Variants in SHISAL1 observed in about 807,000 individuals in gnomAD.
The protein encoded by SHISAL1 is protein shisa-like-1.
Under a neutral mutation model 22.6 loss-of-function variants are expected in SHISAL1, and 9 were observed. The ratio of observed to expected loss-of-function variants is 0.40; its 90% CI spans 0.24 to 0.70. SHISAL1 has a LOEUF of 0.70. Ranked by LOEUF, SHISAL1 falls within the 30% of genes least tolerant of loss-of-function variation. The pLI, the probability that SHISAL1 is intolerant of heterozygous loss-of-function variation, is 0.39. For synonymous variants in SHISAL1, 119 were observed against 115.4 expected (o/e 1.03, Z -0.20); for missense variants, 246 against 270.6 (o/e 0.91, Z 0.64).
At chr22:44,261,077 T>TTATATATATATATATATATATA (rs56290835) in intron 4 of SHISAL1, among the ~76,000 whole-genome samples, 1,264 of 107,994 alleles carry the variant, frequency 0.012, 40 homozygotes, top group Non-Finnish European at 0.016. Flanking sequence ...CTTCATTACT[T>TTATATATATATATATATATATA]TATATATATA....
rs9614402 is a variant in SHISAL1, at chr22:44,249,452, G to A, written c.*233C>T. On this transcript the variant is annotated 3_prime_UTR_variant, in exon 5 of 5. Transcript: ENST00000381176. ...CCAGCCCAAAATAGGACTATTGCTT[G>A]CGGACAGGTGGCTCAGAATCCCCTC... 0.1 allele frequency: 50,264 copies of A among 488,950 alleles called. 3,124 individuals are homozygous for A. Among genetic ancestry groups the A allele is most frequent in the African/African-American group, 0.21 (10,491 of 49,914 alleles). 30.3% of individuals were successfully genotyped at this position (488,950 alleles called of 1,614,324 possible).
chr22:44,323,457 C>A, the SHISAL1 span, among the ~76,000 whole-genome samples: 1 of 116,036 alleles, frequency 8.6e-6, no homozygotes, highest in African/African-American at 3.3e-5. Flanking sequence ...TCCATCCATC[C>A]ATTCATCCAT....
rs567996386 is a variant in SHISAL1 at position 44,249,529 on chromosome 22, G to A, written c.*156C>T. The stretch of plus-strand genomic sequence containing the variant: ...AGTTTGCTCCTAATCTTAGAAGTCC[G>A]CGGAAGGGGGCTTTGGGCACAGGCA... On this transcript the variant is annotated 3_prime_UTR_variant, in exon 5 of 5. Transcript: ENST00000381176. 106 of 512,796 alleles carry A rather than the reference G, an allele frequency of 2.1e-4. No individual in the cohort carries two copies. The highest frequency in any genetic ancestry group is 1.1e-3 in the Admixed American group (36 of 33,182). 31.8% of individuals were successfully genotyped at this position (512,796 alleles called of 1,614,324 possible). A position where few individuals can be genotyped will look rare whatever the true frequency, so the allele number is the denominator to read the frequency against.
intron 4 of SHISAL1, among the ~76,000 whole-genome samples, chr22:44,281,186 C>T (rs533008908): frequency 6.6e-6 from 1 of 152,254 alleles, no homozygotes; most frequent in South Asian, 2.1e-4. Context: ...CAGCCCAGAC[C>T]CTGTCCCAGA....
chr22:44,296,791 CTTG>C lies in SHISAL1; in HGVS notation c.159_161del (p.Asn53del). 1 of 1,613,998 alleles carries C rather than the reference CTTG, an allele frequency of 6.2e-7. No individual in the cohort carries two copies. The highest frequency in any genetic ancestry group is 1.1e-5 in the South Asian group (1 of 91,066). ...TATGGTGACAACAGAGGATGAAGGTCTTGTTGTCCGAGAGCCGGGGGCAGTGGA... is the reference window on the plus strand; with the variant it reads ...TATGGTGACAACAGAGGATGAAGGTCTTGTCCGAGAGCCGGGGGCAGTGGA... On this transcript the variant is annotated inframe_deletion, in exon 3 of 5. Coordinates refer to ENST00000381176, the MANE Select transcript of SHISAL1 (RefSeq NM_001099294.2).
At chr22:44,317,345 G>A (rs1601811888), upstream of SHISAL1, among the ~76,000 whole-genome samples, 2 of 152,346 alleles carry the variant, frequency 1.3e-5, no homozygotes, top group African/African-American at 4.8e-5. Flanking sequence ...TACTCGGGGC[G>A]GTCCGCGCCC....
At chr22:44,307,314 G>A (rs866244581) in intron 1 of SHISAL1, among the ~76,000 whole-genome samples, 2 of 152,144 alleles carry the variant, frequency 1.3e-5, no homozygotes, top group Non-Finnish European at 2.9e-5. Context: ...CCCCATGTCA[G>A]CCTAAGGAGG....
intron 1 of SHISAL1, among the ~76,000 whole-genome samples, chr22:44,309,224 A>G (rs993665564): frequency 4.6e-5 from 7 of 152,164 alleles, no homozygotes; most frequent in Non-Finnish European, 7.3e-5. Flanking sequence ...GGCGTGGGGG[A>G]TTCCCGCTGC....
chr22:44,285,518 C>T lies in SHISAL1; in HGVS notation c.509G>A (p.Gly170Asp), dbSNP rs754073323. The T allele has an allele frequency of 6.2e-7, 1 of 1,613,648 alleles. No homozygotes were observed. The highest frequency in any genetic ancestry group is 2.2e-5 in the East Asian group (1 of 44,866). ...GGCCTGTGGGGCTTGTGGCAGCGGG[C>T]CTGGGGGAGGCTGCGGCTGTGGGGC... ...QRAPQPQPPP[G>D]PLPQAPQAVH... Residue 170 changes from glycine (G) to aspartate (D), a missense_variant, in exon 4 of 5, where the codon GGC becomes GAC. Gly to Asp is a moderately conservative substitution (Grantham distance 94). This residue lies in a region of SHISAL1 where 136 missense variants were observed against 117.5 expected (regional missense o/e 1.16). Coordinates refer to ENST00000381176, the MANE Select transcript of SHISAL1 (RefSeq NM_001099294.2).
chr22:44,266,599 G>A (rs1267754263), intron 4 of SHISAL1, among the ~76,000 whole-genome samples: 1 of 150,396 alleles, frequency 6.6e-6, no homozygotes, highest in African/African-American at 2.4e-5. Context: ...GGAGGCTCTG[G>A]TGTGTGTGTT....
intron 4 of SHISAL1, among the ~76,000 whole-genome samples, chr22:44,265,996 A>G (rs866843840): frequency 2.3e-4 from 35 of 152,316 alleles, no homozygotes; most frequent in Middle Eastern, 6.8e-3. Flanking sequence ...GCTTCTCTGC[A>G]TCACAGCTTC....
At chr22:44,305,527 T>G (rs2055464320) in intron 1 of SHISAL1, among the ~76,000 whole-genome samples, 1 of 152,200 alleles carries the variant, frequency 6.6e-6, no homozygotes, top group Non-Finnish European at 1.5e-5. Context: ...GACAACGTGG[T>G]TCTAGGAAAG....
At chr22:44,259,642 A>T (rs2055108735) in intron 4 of SHISAL1, among the ~76,000 whole-genome samples, 1 of 152,052 alleles carries the variant, frequency 6.6e-6, no homozygotes, top group Non-Finnish European at 1.5e-5. Context: ...ACATTCTCAC[A>T]TGCCAAGGGG....
chr22:44,297,644 G>T (rs377711522), intron 2 of SHISAL1, among the ~76,000 whole-genome samples: 22 of 152,256 alleles, frequency 1.4e-4, no homozygotes, highest in African/African-American at 5.1e-4. Context: ...CCCCTATTCA[G>T]CCACCAATGC....
upstream of SHISAL1, among the ~76,000 whole-genome samples, chr22:44,313,534 T>C (rs1251400632): frequency 6.6e-6 from 1 of 152,154 alleles, no homozygotes; most frequent in African/African-American, 2.4e-5. Flanking sequence ...CCAGTAGGAA[T>C]GGGGTGGGGA....
At chr22:44,322,312 G>C in the SHISAL1 span, among the ~76,000 whole-genome samples, 1 of 152,214 alleles carries the variant, frequency 6.6e-6, no homozygotes, top group African/African-American at 2.4e-5. Flanking sequence ...GCCTTGGGCA[G>C]AGCACTCCCA....
At chr22:44,304,831 G>C (rs2055459049) in intron 1 of SHISAL1, among the ~76,000 whole-genome samples, 1 of 152,044 alleles carries the variant, frequency 6.6e-6, no homozygotes, top group African/African-American at 2.4e-5. Context: ...GTTGAAACAG[G>C]TCCCCAGACT....
At chr22:44,329,279 C>G in the SHISAL1 span, among the ~76,000 whole-genome samples, 1 of 152,140 alleles carries the variant, frequency 6.6e-6, no homozygotes, top group Non-Finnish European at 1.5e-5. Context: ...CTGGGAGTGG[C>G]TCTCAGCTGG....
intron 3 of SHISAL1, among the ~76,000 whole-genome samples, chr22:44,286,661 C>A (rs1364921600): frequency 6.6e-6 from 1 of 152,200 alleles, no homozygotes; most frequent in African/African-American, 2.4e-5. Flanking sequence ...TGTCTTCTGG[C>A]CCACAGCCCT....
Sources: allele counts gnomAD v4.1 joint callset (sites outside exome capture counted in the v4.1 genomes callset), GRCh38; gene constraint gnomAD v4.1.1; regional missense constraint gnomAD v4.1.1; transcripts MANE v1.5; gene names NCBI Gene and HGNC (gene_info 2026-07-23, HGNC 2026-07-21).